ATP8A2: variants seen among roughly 807,000 people sequenced by gnomAD.
ATP8A2 encodes the protein phospholipid-transporting ATPase IB.
Under a neutral mutation model 165.6 loss-of-function variants are expected in ATP8A2, and 100 were observed. The ratio of observed to expected loss-of-function variants is 0.60; its 90% CI spans 0.51 to 0.71. The LOEUF is 0.71. Ranked by LOEUF, ATP8A2 falls within the 30% of genes least tolerant of loss-of-function variation. The probability of loss-of-function intolerance (pLI) is 0.00; values close to 1 mark genes in which losing one functional copy is unlikely to be tolerated. For synonymous variants in ATP8A2, 543 were observed against 548.8 expected, an observed-to-expected ratio of 0.99 and a Z score of 0.15; for missense variants, 1,227 against 1,479.5, an observed-to-expected ratio of 0.83 and a Z score of 2.80.
intron 35 of ATP8A2, among the ~76,000 whole-genome samples, chr13:25,993,327 T>C (rs1269014839): frequency 6.6e-6 from 1 of 152,196 alleles, no homozygotes; most frequent in Non-Finnish European, 1.5e-5. Flanking sequence ...GCATTCCCTT[T>C]GAAAACTGGC....
chr13:25,772,845 C>T (rs1389968251), intron 26 of ATP8A2, among the ~76,000 whole-genome samples: 19 of 152,018 alleles, frequency 1.2e-4, no homozygotes, highest in African/African-American at 3.9e-4. Context: ...CCTCCGCCTC[C>T]GCCTCCTGGG....
At chr13:25,634,736 A>C (rs776827640) in intron 24 of ATP8A2, among the ~76,000 whole-genome samples, 1 of 152,184 alleles carries the variant, frequency 6.6e-6, no homozygotes, top group Non-Finnish European at 1.5e-5. Flanking sequence ...AAAGACCTGT[A>C]CCAAGCATTT....
In ATP8A2 at chr13:26,020,057, C is replaced by A; in HGVS notation, c.*72C>A. The A allele has an allele frequency of 8.8e-7, 1 of 1,131,190 alleles. No individual in the cohort carries two copies. Among genetic ancestry groups the A allele is most frequent in the Non-Finnish European group, 1.3e-6 (1 of 753,576 alleles). The allele number at this position is 1,131,190 out of a possible 1,614,324, so 70.1% of individuals were successfully genotyped here. ...GCACCCAGTGTTAACACATCTTTGT[C>A]AGAGAAGACTGGCGTCAGCAGCCAA... On this transcript the variant is annotated 3_prime_UTR_variant, in exon 37 of 37. Transcript: ENST00000381655.
At chr13:25,787,654 T>C (rs1440117290) in intron 27 of ATP8A2, among the ~76,000 whole-genome samples, 2 of 152,214 alleles carry the variant, frequency 1.3e-5, no homozygotes, top group African/African-American at 4.8e-5. Context: ...TGGTTACATG[T>C]GGGAAAAGTC....
chr13:25,466,707 T>C (rs540670377), intron 1 of ATP8A2, among the ~76,000 whole-genome samples: 3 of 152,222 alleles, frequency 2.0e-5, no homozygotes, highest in East Asian at 1.9e-4. Context: ...AACTAATACA[T>C]TGTGGAAGCT....
chr13:25,854,279 T>C (rs1015358760), intron 30 of ATP8A2, among the ~76,000 whole-genome samples: 1 of 152,178 alleles, frequency 6.6e-6, no homozygotes, highest in Non-Finnish European at 1.5e-5. Flanking sequence ...CCAAAAACTT[T>C]CTTGATTCCT....
intron 24 of ATP8A2, among the ~76,000 whole-genome samples, chr13:25,653,537 T>A (rs1593141828): frequency 6.6e-6 from 1 of 152,264 alleles, no homozygotes; most frequent in East Asian, 1.9e-4. Context: ...ATAATATGTA[T>A]AAGAAACCCC....
At chr13:25,656,274 T>TG (rs1426411488) in intron 24 of ATP8A2, among the ~76,000 whole-genome samples, 5 of 75,728 alleles carry the variant, frequency 6.6e-5, no homozygotes, top group Non-Finnish European at 1.5e-4. Flanking sequence ...TACTTAAAGT[T>TG]GGATTTTTTT....
chr13:25,558,148 C>T (rs534982902), intron 13 of ATP8A2, among the ~76,000 whole-genome samples: 76 of 152,238 alleles, frequency 5.0e-4, no homozygotes, highest in African/African-American at 1.3e-3. Flanking sequence ...GTGATCCACC[C>T]GCCTTGGCCT....
chr13:25,379,962 A>G (rs551269563), intron 1 of ATP8A2, among the ~76,000 whole-genome samples: 3 of 152,114 alleles, frequency 2.0e-5, no homozygotes, highest in Non-Finnish European at 4.4e-5. Context: ...AGTTTGGGCA[A>G]ATTTTCTGGA....
chr13:25,992,673 T>C (rs991067846), intron 35 of ATP8A2, among the ~76,000 whole-genome samples: 79 of 100,736 alleles, frequency 7.8e-4, no homozygotes, highest in African/African-American at 2.1e-3. Flanking sequence ...CTAAAAGTTG[T>C]ATAGTTTTTT....
chr13:25,601,178 A>G (rs992319297), intron 24 of ATP8A2, among the ~76,000 whole-genome samples: 3 of 152,228 alleles, frequency 2.0e-5, no homozygotes, highest in African/African-American at 7.2e-5. Context: ...TGCTTTCTGT[A>G]CTTAGAAAAG....
intron 33 of ATP8A2, among the ~76,000 whole-genome samples, chr13:25,940,082 G>C (rs1220136449): frequency 6.6e-6 from 1 of 152,080 alleles, no homozygotes. Context: ...TGTGGCTCCT[G>C]CCCTCAGTCC....
chr13:25,728,835 C>G (rs1395166534), intron 25 of ATP8A2, among the ~76,000 whole-genome samples: 14 of 152,190 alleles, frequency 9.2e-5, no homozygotes, highest in Admixed American at 2.0e-4. Flanking sequence ...TTAGCAAATG[C>G]ATCTGCATAT....
intron 10 of ATP8A2, among the ~76,000 whole-genome samples, chr13:25,548,473 G>A (rs2038720424): frequency 6.6e-6 from 1 of 152,114 alleles, no homozygotes; most frequent in African/African-American, 2.4e-5. Flanking sequence ...ATAGAAATGA[G>A]GTTTATGATA....
chr13:25,951,718 T>G (rs1233285346), intron 33 of ATP8A2, among the ~76,000 whole-genome samples: 1 of 152,196 alleles, frequency 6.6e-6, no homozygotes, highest in Non-Finnish European at 1.5e-5. Context: ...CTTACCATGT[T>G]ATTATGTTAA....
chr13:25,676,978 T>A (rs182623783), intron 24 of ATP8A2, among the ~76,000 whole-genome samples: 2 of 152,332 alleles, frequency 1.3e-5, no homozygotes, highest in African/African-American at 4.8e-5. Flanking sequence ...GTGCCTTTGT[T>A]ATTGGGAAGA....
At chr13:25,713,906 A>G (rs898668134) in intron 25 of ATP8A2, among the ~76,000 whole-genome samples, 6 of 152,052 alleles carry the variant, frequency 3.9e-5, no homozygotes, top group Admixed American at 6.6e-5. Flanking sequence ...TGGCCAGTAA[A>G]AATTACGTAG....
At chr13:25,657,450 A>T (rs1296810150) in intron 24 of ATP8A2, among the ~76,000 whole-genome samples, 3 of 152,158 alleles carry the variant, frequency 2.0e-5, no homozygotes, top group African/African-American at 7.2e-5. Context: ...CATGGGCCAG[A>T]TGGGGACTGT....
Sources: gnomAD v4.1 joint callset for allele counts (sites outside exome capture counted in the v4.1 genomes callset) on GRCh38, gnomAD v4.1.1 for gene constraint, MANE v1.5 for transcripts, NCBI Gene and HGNC (gene_info 2026-07-23, HGNC 2026-07-21) for gene names.